Variants in ZNF248 observed in about 807,000 individuals in gnomAD.
The protein encoded by ZNF248 is KRAB protein domain.
A neutral mutation model predicts 44.3 loss-of-function variants in ZNF248; 20 were observed. The ratio of observed to expected loss-of-function variants is 0.45; its 90% CI spans 0.32 to 0.66. ZNF248 has a LOEUF of 0.66. ZNF248 is among the 30% of genes least tolerant of loss of function. The pLI is 0.04. For missense variants in ZNF248, 654 were observed against 677.0 expected, an observed-to-expected ratio of 0.97 and a Z score of 0.38; for synonymous variants, 224 against 229.0, an observed-to-expected ratio of 0.98 and a Z score of 0.20.
chr10:37,827,595 G>C (rs1251252877), downstream of ZNF248, among the ~76,000 whole-genome samples: 1 of 152,190 alleles, frequency 6.6e-6, no homozygotes, highest in Non-Finnish European at 1.5e-5. Flanking sequence ...GAGTTCCTCA[G>C]ATAAAGGGAG....
intron 3 of ZNF248, among the ~76,000 whole-genome samples, chr10:37,844,133 A>C (rs1255401901): frequency 6.6e-6 from 1 of 152,210 alleles, no homozygotes; most frequent in East Asian, 1.9e-4. Flanking sequence ...TCAAACTATC[A>C]AAAGCCAAAT....
At chr10:37,767,807 T>C in the ZNF248 span, among the ~76,000 whole-genome samples, 2 of 152,066 alleles carry the variant, frequency 1.3e-5, no homozygotes, top group Admixed American at 6.6e-5. Flanking sequence ...GACTAAATGC[T>C]CCAATTAAAA....
intron 6 of ZNF248, chr10:37,819,541 G>C (rs2053117019): frequency 1.0e-6 from 1 of 994,780 alleles, no homozygotes; most frequent in Non-Finnish European, 1.6e-6. Flanking sequence ...ACAAATATCT[G>C]TCATTTAGCA....
chr10:37,848,078 C>A (rs890872477), intron 3 of ZNF248, among the ~76,000 whole-genome samples: 13 of 151,878 alleles, frequency 8.6e-5, no homozygotes, highest in Admixed American at 1.3e-4. Flanking sequence ...TGAGACCAGC[C>A]TAGCCAATGT....
chr10:37,810,418 C>T (rs2051304097), intron 6 of ZNF248, among the ~76,000 whole-genome samples: 1 of 152,054 alleles, frequency 6.6e-6, no homozygotes. Context: ...TATTAACATA[C>T]AATATCCTTC....
chr10:37,820,922 T>C lies in ZNF248; in HGVS notation c.330+12103A>G, dbSNP rs1440890551. 5 of 1,583,886 alleles carry C rather than the reference T, an allele frequency of 3.2e-6. No homozygotes were observed. The Admixed American group carries it at 8.4e-5, about 27-fold the overall frequency. Reference sequence around the variant, plus strand: ...TTTTCCTTACTAATACCTACTCTAGTAAACCTGGCCTCCAATAATTCCTGC... The same window carrying C: ...TTTTCCTTACTAATACCTACTCTAGCAAACCTGGCCTCCAATAATTCCTGC... On this transcript the variant is annotated intron_variant, in intron 6 of 6. Transcript: ENST00000615949.
At chr10:37,788,400 C>A (rs1238354017) in intron 6 of ZNF248, among the ~76,000 whole-genome samples, 1 of 152,238 alleles carries the variant, frequency 6.6e-6, no homozygotes, top group Non-Finnish European at 1.5e-5. Flanking sequence ...GCAGGTGGAT[C>A]ACCTGAGGTC....
At chr10:37,837,140 A>C (rs2057379615) in intron 5 of ZNF248, among the ~76,000 whole-genome samples, 1 of 151,202 alleles carries the variant, frequency 6.6e-6, no homozygotes, top group African/African-American at 2.4e-5. Context: ...TTTGAGACTG[A>C]GTCTCACTCT....
chr10:37,765,028 T>A, the ZNF248 span, among the ~76,000 whole-genome samples: 6 of 152,266 alleles, frequency 3.9e-5, no homozygotes, highest in East Asian at 3.9e-4. Flanking sequence ...TGATGCAATC[T>A]TGGCTCACCG....
the ZNF248 span, among the ~76,000 whole-genome samples, chr10:37,766,226 T>G: frequency 6.6e-6 from 1 of 152,196 alleles, no homozygotes; most frequent in South Asian, 2.1e-4. Context: ...TCTGCAGACT[T>G]AAATGTCCCT....
At chr10:37,841,499 T>C (rs914692848) in intron 3 of ZNF248, among the ~76,000 whole-genome samples, 2 of 148,356 alleles carry the variant, frequency 1.3e-5, no homozygotes, top group Admixed American at 1.3e-4. Flanking sequence ...ATAAAATAAC[T>C]AGCAATGAGT....
chr10:37,848,281 G>A (rs1299975401), intron 3 of ZNF248, among the ~76,000 whole-genome samples: 1 of 149,702 alleles, frequency 6.7e-6, no homozygotes, highest in African/African-American at 2.5e-5. Flanking sequence ...CCTCTCAAAA[G>A]AAAAAAGAAA....
chr10:37,841,146 T>C (rs2058269946), intron 3 of ZNF248, among the ~76,000 whole-genome samples: 1 of 152,224 alleles, frequency 6.6e-6, no homozygotes, highest in Non-Finnish European at 1.5e-5. Context: ...AATCCCTCTC[T>C]AGAAGCTAGT....
intron 6 of ZNF248, chr10:37,803,202 CCTTTATA>C (rs2050042635): frequency 6.6e-6 from 1 of 152,056 alleles, no homozygotes; most frequent in African/African-American, 2.4e-5. Context: ...CATTTTTTGA[CCTTTATA>C]CAACACTGTC....
Position 37,829,320 on chromosome 10 carries a change from C to T in ZNF248, c.*2295G>A. The T allele has an allele frequency of 1.0e-6, 1 of 985,434 alleles. No individual in the cohort carries two copies. The highest frequency in any genetic ancestry group is 1.2e-6 in the Non-Finnish European group (1 of 829,928). The allele number at this position is 985,434 out of a possible 1,614,324, so 61.0% of individuals were successfully genotyped here. On this transcript the variant is annotated 3_prime_UTR_variant, in exon 6 of 6. Transcript: ENST00000395867. The stretch of plus-strand genomic sequence containing the variant: ...TACAAGTCTCTGGGTGTTTCACTGT[C>T]CCTTGTTTCTGGCCCACACCACTGT...
chr10:37,771,773 A>G (rs2046246252), downstream of ZNF248, among the ~76,000 whole-genome samples: 1 of 152,142 alleles, frequency 6.6e-6, no homozygotes, highest in Non-Finnish European at 1.5e-5. Flanking sequence ...TTAAAGTATA[A>G]TAATAATAAA....
chr10:37,851,702 A>G (rs946880940), intron 3 of ZNF248, among the ~76,000 whole-genome samples: 2 of 150,996 alleles, frequency 1.3e-5, no homozygotes, highest in African/African-American at 4.9e-5. Context: ...GGCAGAAAAT[A>G]CACATGAAAA....
At chr10:37,779,007 T>A (rs2046953471) in intron 6 of ZNF248, among the ~76,000 whole-genome samples, 2 of 152,126 alleles carry the variant, frequency 1.3e-5, no homozygotes, top group Non-Finnish European at 2.9e-5. Context: ...GGATCTGAAA[T>A]TGTGGCAATA....
At chr10:37,766,865 A>G in the ZNF248 span, among the ~76,000 whole-genome samples, 6 of 152,024 alleles carry the variant, frequency 3.9e-5, no homozygotes, top group South Asian at 2.1e-4. Flanking sequence ...CAAAGAAGTT[A>G]AAAACTGTGA....
Sources: allele counts gnomAD v4.1 joint callset (sites outside exome capture counted in the v4.1 genomes callset), GRCh38; gene constraint gnomAD v4.1.1; transcripts MANE v1.5; gene names NCBI Gene and HGNC (gene_info 2026-07-23, HGNC 2026-07-21).